Variants in SNTG1 observed in about 807,000 individuals in gnomAD.
SNTG1 encodes gamma-1-syntrophin.
Under a neutral mutation model 74.7 loss-of-function variants are expected in SNTG1, and 39 were observed. The observed-to-expected ratio is 0.52, with a 90% CI of 0.40 to 0.68. The LOEUF is 0.68. Ranked by LOEUF, SNTG1 falls within the 30% of genes least tolerant of loss-of-function variation. The pLI, the probability that SNTG1 is intolerant of heterozygous loss-of-function variation, is 0.00. For missense variants in SNTG1, 685 were observed against 609.5 expected, an observed-to-expected ratio of 1.12 and a Z score of -1.30; for synonymous variants, 254 against 217.1, an observed-to-expected ratio of 1.17 and a Z score of -1.49.
rs377546375 is a variant in SNTG1 at position 50,127,916 on chromosome 8, C to G, written c.-102-44645C>G. Among the ~76,000 whole-genome samples, 8 of 152,210 alleles carry G rather than the reference C, an allele frequency of 5.3e-5. No individual in the cohort carries two copies. In the East Asian group the frequency reaches 9.7e-4, roughly 18 times the overall value. On this transcript the variant is annotated intron_variant, in intron 1 of 18. Coordinates refer to ENST00000642720, the MANE Select transcript of SNTG1 (RefSeq NM_018967.5). ...GCCACACACCACTGCATTAAACATG[C>G]CTTTTAATATCACTTCTGTATTCAA...
rs567146667 is a variant in SNTG1 at position 50,291,242 on chromosome 8, A to AAGCGTGTGTGTG, written c.-27-102970_-27-102969insAGCGTGTGTGTG. ...ATATATAAGAGAGAGAGACAGACAT[A>AAGCGTGTGTGTG]TGTGTGTGTGTGTGTGTGTGTGTGT... On this transcript the variant is annotated intron_variant, in intron 2 of 18. Coordinates refer to ENST00000642720, the MANE Select transcript of SNTG1 (RefSeq NM_018967.5). Among the ~76,000 whole-genome samples, 1,304 of 149,280 alleles carry AAGCGTGTGTGTG rather than the reference A, an allele frequency of 8.7e-3. 6 individuals carry two copies. Among genetic ancestry groups the AAGCGTGTGTGTG allele is most frequent in the African/African-American group, 0.014 (550 of 40,666 alleles).
At chr8:50,679,566 G>T (rs2095323050) in intron 15 of SNTG1, among the ~76,000 whole-genome samples, 1 of 152,118 alleles carries the variant, frequency 6.6e-6, no homozygotes, top group South Asian at 2.1e-4. Context: ...TACCCTTGAA[G>T]TGATATCAGT....
intron 1 of SNTG1, among the ~76,000 whole-genome samples, chr8:49,971,027 G>A (rs1160434195): frequency 1.3e-5 from 2 of 152,152 alleles, no homozygotes; most frequent in African/African-American, 4.8e-5. Context: ...TATGAGGCCA[G>A]CATCATCCTG....
intron 1 of SNTG1, among the ~76,000 whole-genome samples, chr8:50,168,839 C>A (rs2131637173): frequency 6.6e-6 from 1 of 152,276 alleles, no homozygotes; most frequent in South Asian, 2.1e-4. Flanking sequence ...GTACACTTCA[C>A]CCAACTTCTC....
At chr8:50,155,781 G>A (rs2082234614) in intron 1 of SNTG1, among the ~76,000 whole-genome samples, 1 of 151,562 alleles carries the variant, frequency 6.6e-6, no homozygotes, top group African/African-American at 2.4e-5. Flanking sequence ...TGTAATTCAA[G>A]GTAAGTTGAA....
At chr8:50,748,982 A>G (rs548123095) in intron 17 of SNTG1, among the ~76,000 whole-genome samples, 37 of 152,032 alleles carry the variant, frequency 2.4e-4, no homozygotes, top group Non-Finnish European at 5.0e-4. Flanking sequence ...CATGCCTCTC[A>G]CTTTAAATCA....
At chr8:50,347,472 A>G (rs1284502413) in intron 2 of SNTG1, among the ~76,000 whole-genome samples, 1 of 152,240 alleles carries the variant, frequency 6.6e-6, no homozygotes, top group Non-Finnish European at 1.5e-5. Flanking sequence ...AACCTGCAAC[A>G]GGATTAGCAT....
intron 18 of SNTG1, among the ~76,000 whole-genome samples, chr8:50,785,306 C>G (rs750405516): frequency 1.3e-4 from 19 of 151,470 alleles, no homozygotes; most frequent in Non-Finnish European, 2.2e-4. Flanking sequence ...GATAACCAAA[C>G]AGCGAGAGAG....
intron 1 of SNTG1, among the ~76,000 whole-genome samples, chr8:49,917,022 A>AT (rs988256387): frequency 1.2e-4 from 15 of 128,692 alleles, no homozygotes; most frequent in African/African-American, 3.3e-4. Flanking sequence ...ATCTCAAAAA[A>AT]ATATATATAT....
intron 4 of SNTG1, among the ~76,000 whole-genome samples, chr8:50,426,047 G>A (rs2093159606): frequency 6.6e-6 from 1 of 152,126 alleles, no homozygotes; most frequent in East Asian, 1.9e-4. Flanking sequence ...AAATAATATA[G>A]AGATATACCA....
chr8:49,915,308 G>A (rs1805928186), intron 1 of SNTG1, among the ~76,000 whole-genome samples: 1 of 152,086 alleles, frequency 6.6e-6, no homozygotes, highest in African/African-American at 2.4e-5. Context: ...GGAAACAAGT[G>A]TTATATCTGT....
Position 50,162,818 on chromosome 8 carries a change from C to G in SNTG1, c.-102-9743C>G, listed in dbSNP as rs368693390. On this transcript the variant is annotated intron_variant, in intron 1 of 18. Coordinates refer to ENST00000642720, the MANE Select transcript of SNTG1 (RefSeq NM_018967.5). ...CCTGCCATCTGCTCCCACTGCTGTT[C>G]CTGGAGGTAAACATGCCCCGGCTAT... Among the ~76,000 whole-genome samples the G allele has an allele frequency of 3.9e-5, 6 of 152,122 alleles. No homozygotes were observed. The East Asian group carries it at 1.2e-3, about 29-fold the overall frequency.
chr8:50,789,043 T>C (rs1396252833), intron 18 of SNTG1, among the ~76,000 whole-genome samples: 1 of 152,030 alleles, frequency 6.6e-6, no homozygotes, highest in Non-Finnish European at 1.5e-5. Context: ...CCTATTGATA[T>C]ATTCCTATGC....
intron 15 of SNTG1, among the ~76,000 whole-genome samples, chr8:50,672,567 T>G (rs1416626637): frequency 2.0e-5 from 3 of 152,208 alleles, no homozygotes; most frequent in Non-Finnish European, 4.4e-5. Flanking sequence ...TTTAAGTTCC[T>G]TGTAAATTCT....
chr8:50,535,148 T>A (rs891000740), intron 10 of SNTG1, among the ~76,000 whole-genome samples: 2 of 152,176 alleles, frequency 1.3e-5, no homozygotes, highest in African/African-American at 4.8e-5. Context: ...TTATAAGAAA[T>A]TTTTTATTTG....
chr8:50,004,373 G>C (rs1472071698), intron 1 of SNTG1, among the ~76,000 whole-genome samples: 2 of 152,118 alleles, frequency 1.3e-5, no homozygotes, highest in African/African-American at 2.4e-5. Context: ...AACAAAAGCT[G>C]GTGGTTTCCC....
At chr8:50,724,602 A>G (rs1419928204) in intron 17 of SNTG1, among the ~76,000 whole-genome samples, 1 of 152,184 alleles carries the variant, frequency 6.6e-6, no homozygotes, top group Non-Finnish European at 1.5e-5. Context: ...CTAATCATTA[A>G]TAAGTAGACT....
At chr8:50,115,567 CAAAA>C (rs11386539) in intron 1 of SNTG1, among the ~76,000 whole-genome samples, 1,060 of 40,528 alleles carry the variant, frequency 0.026, 27 homozygotes, top group African/African-American at 0.068. Flanking sequence ...GACTCTGTCT[CAAAA>C]AAAAAAAAAA....
At chr8:49,989,326 T>C (rs1281451469) in intron 1 of SNTG1, among the ~76,000 whole-genome samples, 1 of 151,880 alleles carries the variant, frequency 6.6e-6, no homozygotes, top group African/African-American at 2.4e-5. Flanking sequence ...GAAAACTGTA[T>C]ACAAATAAAT....
Sources: gnomAD v4.1 joint callset for allele counts (sites outside exome capture counted in the v4.1 genomes callset) on GRCh38, gnomAD v4.1.1 for gene constraint, MANE v1.5 for transcripts, NCBI Gene and HGNC (gene_info 2026-07-23, HGNC 2026-07-21) for gene names.